AMOTL1: variants seen among roughly 807,000 people sequenced by gnomAD.
The protein encoded by AMOTL1 is angiomotin like 1, also known as angiomotin-like protein 1.
In AMOTL1, 45 loss-of-function variants were observed where a neutral mutation model predicts 102.9. The observed-to-expected ratio is 0.44, with a 90% CI of 0.34 to 0.56. The LOEUF is 0.56. Among genes scored for constraint, AMOTL1 ranks in the 20% least tolerant of loss-of-function variants. The pLI is 0.01. For synonymous variants in AMOTL1, 481 were observed against 484.7 expected (o/e 0.99, Z 0.10); for missense variants, 1,114 against 1,225.6 (o/e 0.91, Z 1.36).
chr11:94,861,334 T>G (rs1279709981), intron 9 of AMOTL1, among the ~76,000 whole-genome samples: 3 of 152,210 alleles, frequency 2.0e-5, no homozygotes, highest in Non-Finnish European at 4.4e-5. Flanking sequence ...AATGGTTTTT[T>G]TTTCAGCTTT....
intron 1 of AMOTL1, among the ~76,000 whole-genome samples, chr11:94,722,509 T>G (rs1043324094): frequency 1.3e-5 from 2 of 152,202 alleles, no homozygotes; most frequent in African/African-American, 4.8e-5. Context: ...ACAAAGCATG[T>G]GCTATGATAC....
intron 1 of AMOTL1, among the ~76,000 whole-genome samples, 168 bp downstream of exon 1, chr11:94,768,728 C>T (rs1950895214): frequency 6.6e-6 from 1 of 151,986 alleles, no homozygotes; most frequent in Non-Finnish European, 1.5e-5. Context: ...TCCCTTGCCC[C>T]GCTCCAGGTC....
chr11:94,743,728 G>A (rs917122378), intron 3 of AMOTL1, among the ~76,000 whole-genome samples: 5 of 130,506 alleles, frequency 3.8e-5, no homozygotes, highest in Non-Finnish European at 7.6e-5. Context: ...GCATGATCTC[G>A]GCTTACTGCA....
chr11:94,713,996 C>G (rs533942408), intron 1 of AMOTL1, among the ~76,000 whole-genome samples: 1 of 151,944 alleles, frequency 6.6e-6, no homozygotes, highest in Non-Finnish European at 1.5e-5. Context: ...CAGTCTTTCA[C>G]GATTAAATAT....
chr11:94,708,520 A>C (rs1949969039), intron 1 of AMOTL1, among the ~76,000 whole-genome samples: 1 of 152,220 alleles, frequency 6.6e-6, no homozygotes, highest in Admixed American at 6.5e-5. Context: ...TGGAAACAAT[A>C]CCTGCTTCAT....
At chr11:94,729,715 C>T (rs191577206) in intron 2 of AMOTL1, among the ~76,000 whole-genome samples, 53 of 152,168 alleles carry the variant, frequency 3.5e-4, no homozygotes, top group Admixed American at 5.2e-4. Context: ...TATAGATGGA[C>T]GATGAAAGGT....
chr11:94,854,801 C>A (rs1486217404), intron 8 of AMOTL1, among the ~76,000 whole-genome samples: 1 of 151,958 alleles, frequency 6.6e-6, no homozygotes, highest in African/African-American at 2.4e-5. Flanking sequence ...ACATTAGTAG[C>A]CCATGATGAT....
intron 3 of AMOTL1, among the ~76,000 whole-genome samples, chr11:94,817,126 T>C (rs576516925): frequency 1.3e-5 from 2 of 152,164 alleles, no homozygotes; most frequent in African/African-American, 2.4e-5. Context: ...TACAGAATTT[T>C]AAAAGACACA....
At chr11:94,790,996 C>T (rs1454026604) in intron 1 of AMOTL1, among the ~76,000 whole-genome samples, 1 of 152,102 alleles carries the variant, frequency 6.6e-6, no homozygotes, top group African/African-American at 2.4e-5. Flanking sequence ...GTTGTTATTG[C>T]CACTCTTGAG....
At chr11:94,855,803 A>G (rs1316028907) in intron 8 of AMOTL1, among the ~76,000 whole-genome samples, 1 of 152,176 alleles carries the variant, frequency 6.6e-6, no homozygotes, top group Non-Finnish European at 1.5e-5. Context: ...GCTCACCCAC[A>G]CAGTTTCCTC....
chr11:94,735,097 C>T (rs1004523781), intron 2 of AMOTL1, among the ~76,000 whole-genome samples: 2 of 152,202 alleles, frequency 1.3e-5, no homozygotes, highest in Non-Finnish European at 2.9e-5. Flanking sequence ...TATGTAACCC[C>T]TGGGGGCCCC....
At chr11:94,868,097 C>A (rs942135747) in intron 11 of AMOTL1, among the ~76,000 whole-genome samples, 1 of 152,216 alleles carries the variant, frequency 6.6e-6, no homozygotes, top group African/African-American at 2.4e-5. Context: ...AATACAGAAT[C>A]CCAGGCCCTG....
intron 3 of AMOTL1, among the ~76,000 whole-genome samples, chr11:94,818,430 G>A (rs1023804463): frequency 6.6e-6 from 1 of 152,206 alleles, no homozygotes; most frequent in East Asian, 1.9e-4. Context: ...TCTAATCTGA[G>A]TTTCCTTGTG....
intron 3 of AMOTL1, among the ~76,000 whole-genome samples, chr11:94,817,831 C>G (rs1371777100): frequency 3.3e-5 from 5 of 152,172 alleles, no homozygotes; most frequent in African/African-American, 1.2e-4. Flanking sequence ...AAACATCGAG[C>G]AGAACATGAC....
intron 3 of AMOTL1, among the ~76,000 whole-genome samples, chr11:94,755,875 C>A (rs1468152029): frequency 1.3e-5 from 2 of 152,194 alleles, no homozygotes; most frequent in African/African-American, 2.4e-5. Context: ...GTTAGACCCT[C>A]TGCCTTATCC....
At chr11:94,798,362 G>A (rs1951407034) in intron 2 of AMOTL1, among the ~76,000 whole-genome samples, 1 of 152,172 alleles carries the variant, frequency 6.6e-6, no homozygotes, top group Admixed American at 6.5e-5. Context: ...AAGAAAGAGG[G>A]TTGGCAGAGA....
chr11:94,781,961 C>T lies in AMOTL1; in HGVS notation c.50-13050C>T, dbSNP rs371237147. ...AGATACTCAGAATAACAAAAAAGCT[C>T]ATTTCCACTTAGGAATGTTCTAGTT... is the stretch of plus-strand genomic sequence containing the variant. On this transcript the variant is annotated intron_variant, in intron 1 of 12. Coordinates refer to ENST00000433060, the MANE Select transcript of AMOTL1 (RefSeq NM_130847.3). Among the ~76,000 whole-genome samples the T allele has an allele frequency of 1.1e-3, 168 of 152,266 alleles. 5 individuals carry two copies. In the South Asian group the frequency reaches 0.033, roughly 30 times the overall value.
intron 2 of AMOTL1, among the ~76,000 whole-genome samples, chr11:94,738,618 T>C (rs1950471177): frequency 6.6e-6 from 1 of 152,204 alleles, no homozygotes. Context: ...TGGAGAGTTA[T>C]ATTTTACTAG....
At chr11:94,729,147 CT>C (rs1950307125) in intron 2 of AMOTL1, 3 of 923,110 alleles carry the variant, frequency 3.2e-6, no homozygotes, top group Non-Finnish European at 4.4e-6. Context: ...CGTGCCCACG[CT>C]GTTTGTCTTT....
Sources: allele counts gnomAD v4.1 joint callset (sites outside exome capture counted in the v4.1 genomes callset), GRCh38; gene constraint gnomAD v4.1.1; transcripts MANE v1.5; gene names NCBI Gene and HGNC (gene_info 2026-07-23, HGNC 2026-07-21).